CHN2: variants seen among roughly 807,000 people sequenced by gnomAD.
CHN2 encodes the protein chimerin 2.
In CHN2, 35 loss-of-function variants were observed where a neutral mutation model predicts 56.3. That is an observed-to-expected ratio of 0.62 (90% CI 0.47 to 0.82). The LOEUF is 0.82. Among genes scored for constraint, CHN2 ranks in the 40% least tolerant of loss-of-function variants. The probability of loss-of-function intolerance (pLI) is 0.00; values close to 1 mark genes in which losing one functional copy is unlikely to be tolerated. For synonymous variants in CHN2, 210 were observed against 212.8 expected (o/e 0.99, Z 0.12); for missense variants, 491 against 580.5 (o/e 0.85, Z 1.58).
At chr7:29,484,883 T>C (rs1055253070) in intron 7 of CHN2, among the ~76,000 whole-genome samples, 13 of 152,220 alleles carry the variant, frequency 8.5e-5, no homozygotes, top group Admixed American at 2.0e-4. Flanking sequence ...AAAAAGGTCT[T>C]TAGATGTAAT....
chr7:29,263,505 G>A (rs1398901898), intron 1 of CHN2, among the ~76,000 whole-genome samples: 1 of 151,626 alleles, frequency 6.6e-6, no homozygotes, highest in African/African-American at 2.4e-5. Flanking sequence ...TGGGATGTGA[G>A]GAGCCCCTCT....
chr7:29,303,500 C>A (rs1227591628), intron 1 of CHN2, among the ~76,000 whole-genome samples: 1 of 152,172 alleles, frequency 6.6e-6, no homozygotes, highest in African/African-American at 2.4e-5. Flanking sequence ...TTTCCCAGTT[C>A]CACCTGGGAG....
At chr7:29,340,832 G>A (rs972124210) in intron 1 of CHN2, among the ~76,000 whole-genome samples, 1 of 152,212 alleles carries the variant, frequency 6.6e-6, no homozygotes, top group Non-Finnish European at 1.5e-5. Flanking sequence ...GGGTGCGCTT[G>A]TTTCCTTAAG....
chr7:29,300,778 T>A (rs558730344), intron 1 of CHN2, among the ~76,000 whole-genome samples: 4 of 152,368 alleles, frequency 2.6e-5, no homozygotes, highest in African/African-American at 9.6e-5. Flanking sequence ...AGGAATTCTT[T>A]AAGCAGCAAG....
intron 2 of CHN2, among the ~76,000 whole-genome samples, chr7:29,359,000 C>G (rs1199848866): frequency 6.6e-6 from 1 of 152,202 alleles, no homozygotes; most frequent in Admixed American, 6.5e-5. Context: ...TGGGATCCCC[C>G]TGTAACTATC....
rs1035621708 is a variant in CHN2, at chr7:29,495,831, T to C, written c.655-121T>C. ...TTTCTCAGGATCTGTTTGCAACTGC[T>C]TTACTGGAAGGAAAAGCCCAGTGGG... On this transcript the variant is annotated intron_variant, in intron 7 of 12. Coordinates refer to ENST00000222792, the MANE Select transcript of CHN2 (RefSeq NM_004067.4). 3.5e-5 allele frequency: 26 copies of C among 740,120 alleles called. No homozygotes were observed. In the African/African-American group the frequency reaches 4.1e-4, roughly 12 times the overall value. The allele number at this position is 740,120 out of a possible 1,614,324, so 45.8% of individuals were successfully genotyped here. A position where few individuals can be genotyped will look rare whatever the true frequency, so the allele number is the denominator to read the frequency against.
intron 8 of CHN2, among the ~76,000 whole-genome samples, chr7:29,497,743 A>G (rs1388751699): frequency 3.9e-5 from 6 of 152,206 alleles, no homozygotes; most frequent in Non-Finnish European, 8.8e-5. Context: ...TACATTTGTT[A>G]TAGAACATCT....
chr7:29,400,999 C>A, intron 6 of CHN2, 171 bp downstream of exon 6: 2 of 663,632 alleles, frequency 3.0e-6, no homozygotes, highest in Middle Eastern at 8.3e-4. Context: ...TCAGGCCGGG[C>A]GTGGTGGCTC....
intron 1 of CHN2, among the ~76,000 whole-genome samples, chr7:29,241,691 A>G (rs917878357): frequency 1.3e-5 from 2 of 151,998 alleles, no homozygotes; most frequent in Non-Finnish European, 2.9e-5. Flanking sequence ...GAGGGGAGGG[A>G]GAGAGGGTAG....
intron 1 of CHN2, among the ~76,000 whole-genome samples, chr7:29,228,700 C>T (rs1786424626): frequency 6.6e-6 from 1 of 152,188 alleles, no homozygotes; most frequent in Non-Finnish European, 1.5e-5. Flanking sequence ...CCTCATTGGG[C>T]AATATTGGGA....
intron 1 of CHN2, among the ~76,000 whole-genome samples, chr7:29,301,620 G>T (rs1021777162): frequency 1.3e-5 from 2 of 152,096 alleles, no homozygotes; most frequent in African/African-American, 4.8e-5. Flanking sequence ...CTCTTGCTTG[G>T]CTGGGCGACC....
At chr7:29,319,547 A>T (rs1285924094) in intron 1 of CHN2, among the ~76,000 whole-genome samples, 2 of 152,210 alleles carry the variant, frequency 1.3e-5, no homozygotes, top group African/African-American at 2.4e-5. Context: ...GACACTGTTC[A>T]GATACAATGC....
rs999190462 is a variant in CHN2 at position 29,457,696 on chromosome 7, G to T, written c.577-22583G>T. On this transcript the variant is annotated intron_variant, in intron 6 of 12. Transcript: ENST00000222792. ...TTTAAATGAGTATCAGGAGGGAAAC[G>T]CAAGAAGTAATTATGAGGAGAAACC... Among the ~76,000 whole-genome samples, 6 of 152,166 alleles carry T rather than the reference G, an allele frequency of 3.9e-5. No individual in the cohort carries two copies. In the South Asian group the frequency reaches 1.2e-3, roughly 32 times the overall value.
chr7:29,250,711 CTTTT>C (rs529820110), intron 1 of CHN2, among the ~76,000 whole-genome samples: 4 of 110,202 alleles, frequency 3.6e-5, no homozygotes, highest in African/African-American at 5.8e-5. Context: ...TGAACTTCTT[CTTTT>C]TTTTTTTTTT....
intron 1 of CHN2, among the ~76,000 whole-genome samples, chr7:29,267,312 G>A (rs920841986): frequency 1.3e-5 from 2 of 151,016 alleles, no homozygotes; most frequent in Non-Finnish European, 2.9e-5. Context: ...GTGTGATCTT[G>A]GCTCACTGCA....
intron 2 of CHN2, among the ~76,000 whole-genome samples, chr7:29,177,355 G>C (rs1797491754): frequency 6.6e-6 from 1 of 152,022 alleles, no homozygotes; most frequent in African/African-American, 2.4e-5. Flanking sequence ...CCGGGTTCAA[G>C]CAATTCTCCT....
chr7:29,406,537 A>G (rs984480547), intron 6 of CHN2, among the ~76,000 whole-genome samples: 2 of 152,030 alleles, frequency 1.3e-5, no homozygotes, highest in Admixed American at 1.3e-4. Flanking sequence ...TATTGAATAG[A>G]ACCTGCCACA....
Position 29,222,663 on chromosome 7 carries a change from A to C in CHN2, c.49+27673A>C, listed in dbSNP as rs980518119. Among the ~76,000 whole-genome samples the C allele has an allele frequency of 1.3e-5, 2 of 152,318 alleles. 1 individual carries two copies. Among genetic ancestry groups the C allele is most frequent in the South Asian group, 4.1e-4 (2 of 4,828 alleles). The stretch of plus-strand genomic sequence containing the variant: ...TCATGTGCCTGGATTAGAGGATTGT[A>C]AAGATAGTTTCCCCTAATTTGATTA... On this transcript the variant is annotated intron_variant, in intron 1 of 12. Transcript: ENST00000222792.
intron 8 of CHN2, 140 bp from the exon 9 acceptor site, chr7:29,499,727 A>T (rs1789734036): frequency 1.5e-6 from 1 of 651,018 alleles, no homozygotes; most frequent in African/African-American, 1.8e-5. Context: ...TCCTGTAGAG[A>T]GTCCTAGAAA....
Sources: allele counts gnomAD v4.1 joint callset (sites outside exome capture counted in the v4.1 genomes callset), GRCh38; gene constraint gnomAD v4.1.1; transcripts MANE v1.5; gene names NCBI Gene and HGNC (gene_info 2026-07-23, HGNC 2026-07-21).